HEMK2: variants seen among roughly 807,000 people sequenced by gnomAD.
HEMK2 encodes the protein HemK methyltransferase 2, ETF1 glutamine and histone H4 lysine.
At chr21:28,680,346 A>G in the HEMK2 span, among the ~76,000 whole-genome samples, 1 of 152,216 alleles carries the variant, frequency 6.6e-6, no homozygotes, top group Non-Finnish European at 1.5e-5. Context: ...CCAAGACTAA[A>G]CCAGGAAGAA....
the HEMK2 span, among the ~76,000 whole-genome samples, chr21:28,868,752 C>T: frequency 6.6e-6 from 1 of 152,114 alleles, no homozygotes; most frequent in African/African-American, 2.4e-5. Flanking sequence ...TTCCATGATG[C>T]CTTATTTATC....
At chr21:28,662,304 T>C in the HEMK2 span, among the ~76,000 whole-genome samples, 1 of 152,168 alleles carries the variant, frequency 6.6e-6, no homozygotes, top group African/African-American at 2.4e-5. Context: ...GCCCCACTGA[T>C]AGACTTTTGC....
chr21:28,825,278 G>T, the HEMK2 span, among the ~76,000 whole-genome samples: 21 of 152,274 alleles, frequency 1.4e-4, no homozygotes, highest in African/African-American at 4.6e-4. Flanking sequence ...TGATTCAGTA[G>T]GTCTGGAGAG....
the HEMK2 span, among the ~76,000 whole-genome samples, chr21:28,701,050 T>C: frequency 3.3e-5 from 5 of 152,004 alleles, no homozygotes; most frequent in South Asian, 8.3e-4. Context: ...ACAAAAACCA[T>C]ATGATTATCT....
the HEMK2 span, among the ~76,000 whole-genome samples, chr21:28,678,861 A>G: frequency 2.0e-5 from 3 of 152,200 alleles, no homozygotes; most frequent in African/African-American, 7.2e-5. Context: ...TTTTGTTACC[A>G]CCAGGCCTGC....
At chr21:28,877,179 A>AAAGG in the HEMK2 span, among the ~76,000 whole-genome samples, 7 of 127,716 alleles carry the variant, frequency 5.5e-5, no homozygotes, top group Non-Finnish European at 8.0e-5. Flanking sequence ...AGAAAGAAAG[A>AAAGG]GAGGGAGGGA....
the HEMK2 span, among the ~76,000 whole-genome samples, chr21:28,713,891 A>C: frequency 1.3e-5 from 2 of 152,226 alleles, no homozygotes; most frequent in Non-Finnish European, 2.9e-5. Flanking sequence ...CAATATGTAC[A>C]TATGCATTCT....
chr21:28,681,916 A>T, the HEMK2 span, among the ~76,000 whole-genome samples: 2 of 152,248 alleles, frequency 1.3e-5, no homozygotes, highest in African/African-American at 2.4e-5. Flanking sequence ...TGGATTAAAG[A>T]CTTATATGTT....
the HEMK2 span, among the ~76,000 whole-genome samples, chr21:28,813,691 C>A: frequency 1.3e-5 from 2 of 152,148 alleles, no homozygotes; most frequent in African/African-American, 4.8e-5. Flanking sequence ...TACAAGGCTA[C>A]ATTAACCAAA....
the HEMK2 span, among the ~76,000 whole-genome samples, chr21:28,623,920 C>T: frequency 6.6e-6 from 1 of 152,026 alleles, no homozygotes; most frequent in Non-Finnish European, 1.5e-5. Flanking sequence ...CACCATGGCA[C>T]GTGTATACCT....
chr21:28,630,813 G>A, the HEMK2 span, among the ~76,000 whole-genome samples: 17 of 149,840 alleles, frequency 1.1e-4, no homozygotes, highest in Non-Finnish European at 1.8e-4. Flanking sequence ...TAGCATTAGG[G>A]GATACACCTA....
the HEMK2 span, chr21:28,882,283 A>T: frequency 6.5e-7 from 1 of 1,532,442 alleles, no homozygotes; most frequent in Non-Finnish European, 9.0e-7. Flanking sequence ...ACTATATCCT[A>T]TGTCCATAAG....
At chr21:28,856,354 G>T in the HEMK2 span, among the ~76,000 whole-genome samples, 1 of 151,998 alleles carries the variant, frequency 6.6e-6, no homozygotes, top group African/African-American at 2.4e-5. Context: ...GGTGGAGGTT[G>T]CAGTGAGCTG....
the HEMK2 span, among the ~76,000 whole-genome samples, chr21:28,694,620 C>T: frequency 3.3e-5 from 5 of 149,916 alleles, no homozygotes; most frequent in Non-Finnish European, 4.5e-5. Context: ...GTTCAATTTC[C>T]CTCCTCTATT....
chr21:28,630,379 C>A, the HEMK2 span, among the ~76,000 whole-genome samples: 1 of 152,128 alleles, frequency 6.6e-6, no homozygotes, highest in Admixed American at 6.5e-5. Context: ...GGCATTTCCT[C>A]AGGGATCTAG....
chr21:28,707,160 G>A, the HEMK2 span, among the ~76,000 whole-genome samples: 4 of 151,776 alleles, frequency 2.6e-5, no homozygotes, highest in Admixed American at 6.6e-5. Flanking sequence ...GTTTTAAAAC[G>A]ACAATAAACA....
the HEMK2 span, among the ~76,000 whole-genome samples, chr21:28,810,519 C>G: frequency 2.6e-5 from 4 of 152,100 alleles, no homozygotes; most frequent in African/African-American, 9.7e-5. Flanking sequence ...GATCAGAGGC[C>G]CTCCTTTTCT....
the HEMK2 span, among the ~76,000 whole-genome samples, chr21:28,772,396 G>A: frequency 6.6e-6 from 1 of 152,120 alleles, no homozygotes; most frequent in Non-Finnish European, 1.5e-5. Flanking sequence ...GTATTGCCTG[G>A]CTGGTCTCTG....
the HEMK2 span, among the ~76,000 whole-genome samples, chr21:28,584,234 G>A: frequency 6.6e-6 from 1 of 152,074 alleles, no homozygotes; most frequent in African/African-American, 2.4e-5. Context: ...GTTAATTTTG[G>A]TGGAGCTGCC....
Sources: gnomAD v4.1 joint callset for allele counts (sites outside exome capture counted in the v4.1 genomes callset) on GRCh38, gnomAD v4.1.1 for gene constraint, MANE v1.5 for transcripts, NCBI Gene and HGNC (gene_info 2026-07-23, HGNC 2026-07-21) for gene names.